Variants in CDK14 observed in about 807,000 individuals in gnomAD.
The protein encoded by CDK14 is cyclin-dependent kinase 14.
Under a neutral mutation model 60.7 loss-of-function variants are expected in CDK14, and 34 were observed. The ratio of observed to expected loss-of-function variants is 0.56; its 90% CI spans 0.43 to 0.75. The LOEUF is 0.75. Among genes scored for constraint, CDK14 ranks in the 30% least tolerant of loss-of-function variants. The pLI, the probability that CDK14 is intolerant of heterozygous loss-of-function variation, is 0.00. For missense variants in CDK14, 482 were observed against 564.1 expected (o/e 0.85, Z 1.47); for synonymous variants, 197 against 203.7 (o/e 0.97, Z 0.28).
chr7:90,691,494 A>T (rs1378088653), intron 2 of CDK14, among the ~76,000 whole-genome samples: 3 of 151,956 alleles, frequency 2.0e-5, no homozygotes, highest in Non-Finnish European at 2.9e-5. Flanking sequence ...GTGGATGGAG[A>T]ATAGTAAGGG....
chr7:90,619,723 C>T (rs542462343), intron 2 of CDK14, among the ~76,000 whole-genome samples: 2 of 152,094 alleles, frequency 1.3e-5, no homozygotes, highest in East Asian at 1.9e-4. Context: ...GAACTGGGTG[C>T]GGTGGCTCAC....
At chr7:90,609,604 C>T (rs1314344517) in intron 2 of CDK14, among the ~76,000 whole-genome samples, 1 of 152,162 alleles carries the variant, frequency 6.6e-6, no homozygotes, top group African/African-American at 2.4e-5. Context: ...TGCCTACTGC[C>T]AGGATTGGAA....
intron 2 of CDK14, among the ~76,000 whole-genome samples, chr7:90,711,152 A>T (rs1444956559): frequency 1.3e-5 from 2 of 151,994 alleles, no homozygotes; most frequent in African/African-American, 4.8e-5. Context: ...TAATTTTGTG[A>T]CATAAGTAAA....
intron 8 of CDK14, among the ~76,000 whole-genome samples, chr7:90,938,581 T>G (rs1793822872): frequency 6.6e-6 from 1 of 152,150 alleles, no homozygotes; most frequent in African/African-American, 2.4e-5. Flanking sequence ...ATAATTTTTT[T>G]TAAAAAATGA....
At chr7:90,978,959 G>A (rs150573772) in intron 9 of CDK14, among the ~76,000 whole-genome samples, 148 of 151,994 alleles carry the variant, frequency 9.7e-4, no homozygotes, top group African/African-American at 3.3e-3. Context: ...CTATTATTGT[G>A]TTTTTTTGCA....
chr7:90,846,046 T>C (rs900415390), intron 5 of CDK14, among the ~76,000 whole-genome samples: 7 of 152,148 alleles, frequency 4.6e-5, no homozygotes, highest in African/African-American at 1.4e-4. Flanking sequence ...ACCTGAAGAA[T>C]GAGGACCCAA....
At chr7:91,070,596 CA>C (rs1371588722) in intron 11 of CDK14, among the ~76,000 whole-genome samples, 2 of 151,868 alleles carry the variant, frequency 1.3e-5, no homozygotes, top group South Asian at 4.2e-4. Context: ...TCACCTCTAC[CA>C]AAAAAATTTT....
chr7:90,702,554 C>T (rs189600283), intron 2 of CDK14, among the ~76,000 whole-genome samples: 53 of 146,668 alleles, frequency 3.6e-4, no homozygotes, highest in African/African-American at 1.3e-3. Flanking sequence ...TAAAACAATG[C>T]CACAGGAAAG....
intron 9 of CDK14, among the ~76,000 whole-genome samples, chr7:90,966,952 T>C (rs1794769630): frequency 3.3e-5 from 5 of 152,114 alleles, no homozygotes; most frequent in Admixed American, 3.3e-4. Context: ...AGTTCTTTTA[T>C]CCTTGTTTAA....
chr7:91,149,583 T>C (rs1800771228), intron 14 of CDK14, among the ~76,000 whole-genome samples: 1 of 152,238 alleles, frequency 6.6e-6, no homozygotes, highest in Non-Finnish European at 1.5e-5. Flanking sequence ...GACTCTAATC[T>C]GTTAGCAATT....
At chr7:90,738,293 G>A (rs1254960452) in intron 3 of CDK14, among the ~76,000 whole-genome samples, 1 of 152,084 alleles carries the variant, frequency 6.6e-6, no homozygotes, top group Non-Finnish European at 1.5e-5. Flanking sequence ...ACCTCATGGT[G>A]GTATTATAGA....
chr7:90,777,006 C>T (rs1354062389), intron 4 of CDK14, among the ~76,000 whole-genome samples: 5 of 125,820 alleles, frequency 4.0e-5, no homozygotes, highest in Non-Finnish European at 8.1e-5. Flanking sequence ...AATAGTGACA[C>T]GAAGTTAGTT....
intron 10 of CDK14, among the ~76,000 whole-genome samples, chr7:91,030,131 T>C (rs1017469096): frequency 4.6e-5 from 7 of 152,208 alleles, no homozygotes; most frequent in African/African-American, 1.7e-4. Flanking sequence ...CATATTAAAA[T>C]TTTAATTGTA....
At chr7:90,618,004 C>T (rs776118473) in intron 2 of CDK14, among the ~76,000 whole-genome samples, 7 of 152,174 alleles carry the variant, frequency 4.6e-5, no homozygotes, top group Middle Eastern at 3.2e-3. Flanking sequence ...TGTAAATTGC[C>T]TTCACTGAGC....
At chr7:90,780,549 A>G (rs1805268923) in intron 4 of CDK14, among the ~76,000 whole-genome samples, 1 of 146,696 alleles carries the variant, frequency 6.8e-6, no homozygotes, top group African/African-American at 2.5e-5. Flanking sequence ...AGTATTAGGT[A>G]TATCTCCTAA....
chr7:91,061,487 A>C (rs1473429641), intron 11 of CDK14, among the ~76,000 whole-genome samples: 3 of 152,084 alleles, frequency 2.0e-5, no homozygotes, highest in Non-Finnish European at 2.9e-5. Flanking sequence ...TGATTTTTAA[A>C]ATTTTCAGTT....
At chr7:90,957,972 G>A (rs1794482153) in intron 9 of CDK14, among the ~76,000 whole-genome samples, 1 of 152,126 alleles carries the variant, frequency 6.6e-6, no homozygotes, top group Admixed American at 6.6e-5. Flanking sequence ...TTCCCTGAAT[G>A]ATTATGCCCC....
At chr7:90,698,849 A>G (rs1040004669) in intron 2 of CDK14, among the ~76,000 whole-genome samples, 3 of 152,168 alleles carry the variant, frequency 2.0e-5, no homozygotes, top group African/African-American at 7.2e-5. Flanking sequence ...TTGATACTTC[A>G]TTATGTAACC....
rs765590175 is a variant in CDK14 at position 90,817,061 on chromosome 7, C to T, written c.544+26409C>T. Among the ~76,000 whole-genome samples the T allele has an allele frequency of 5.3e-5, 8 of 152,242 alleles. No homozygotes were observed. The South Asian group carries it at 8.3e-4, about 16-fold the overall frequency. On this transcript the variant is annotated intron_variant, in intron 5 of 14. Transcript: ENST00000380050. The stretch of plus-strand genomic sequence containing the variant: ...TCTTGGTGTGAAGTGCCAAAAAACA[C>T]GTCATTCAGATCTCTCTGTATTTTA...
Sources: allele counts gnomAD v4.1 joint callset (sites outside exome capture counted in the v4.1 genomes callset), GRCh38; gene constraint gnomAD v4.1.1; transcripts MANE v1.5; gene names NCBI Gene and HGNC (gene_info 2026-07-23, HGNC 2026-07-21).